Variants in PNPT1 observed in about 807,000 individuals in gnomAD.
The protein encoded by PNPT1 is polyribonucleotide nucleotidyltransferase 1.
A neutral mutation model predicts 119.5 loss-of-function variants in PNPT1; 53 were observed. The ratio of observed to expected loss-of-function variants is 0.44; its 90% CI spans 0.36 to 0.56. PNPT1 has a LOEUF of 0.56. PNPT1 is among the 20% of genes least tolerant of loss of function. The probability of loss-of-function intolerance (pLI) is 0.00; values close to 1 mark genes in which losing one functional copy is unlikely to be tolerated. For synonymous variants in PNPT1, 357 were observed against 322.1 expected (o/e 1.11, Z -1.16); for missense variants, 948 against 938.5 (o/e 1.01, Z -0.13).
chr2:55,647,054 C>A (rs1455666819), intron 19 of PNPT1, among the ~76,000 whole-genome samples: 1 of 152,062 alleles, frequency 6.6e-6, no homozygotes, highest in Non-Finnish European at 1.5e-5. Context: ...CCAGACTGGT[C>A]TGGAACTCCT....
chr2:55,659,398 T>C lies in PNPT1; in HGVS notation c.1284+759A>G, dbSNP rs190899556. Among the ~76,000 whole-genome samples, 161 of 152,328 alleles carry C rather than the reference T, an allele frequency of 1.1e-3. 1 individual carries two copies. Among genetic ancestry groups the C allele is most frequent in the Non-Finnish European group, 2.0e-3 (134 of 68,030 alleles). The stretch of plus-strand genomic sequence containing the variant: ...AAGTAACTTAATACTAAACGTCTCA[T>C]CTTTTACTACTAATCAACTGAGTAT... On this transcript the variant is annotated intron_variant, in intron 15 of 27. Transcript: ENST00000447944.
At chr2:55,665,228 G>C (rs1239144130) in intron 13 of PNPT1, among the ~76,000 whole-genome samples, 2 of 152,124 alleles carry the variant, frequency 1.3e-5, no homozygotes, top group African/African-American at 4.8e-5. Flanking sequence ...TGTATAATTG[G>C]CTCACTATGG....
At chr2:55,684,324 G>A (rs7575906) in intron 4 of PNPT1, among the ~76,000 whole-genome samples, 22,266 of 152,062 alleles carry the variant, frequency 0.15, 3,055 homozygotes, top group African/African-American at 0.36. Flanking sequence ...ACCCCATCTT[G>A]ACTAAAAATA....
intron 18 of PNPT1, among the ~76,000 whole-genome samples, chr2:55,649,264 C>T (rs1696096852): frequency 6.6e-6 from 1 of 152,042 alleles, no homozygotes. Flanking sequence ...TATATTGAGA[C>T]CTCATCTCTA....
chr2:55,670,253 C>A (rs907439757), intron 11 of PNPT1, among the ~76,000 whole-genome samples: 2 of 151,998 alleles, frequency 1.3e-5, no homozygotes, highest in African/African-American at 4.8e-5. Context: ...GTGGCGCGAT[C>A]TCGACTCGCT....
chr2:55,667,225 G>C, intron 12 of PNPT1, 132 bp from the exon 13 acceptor site: 1 of 644,386 alleles, frequency 1.6e-6, no homozygotes, highest in Non-Finnish European at 2.7e-6. Flanking sequence ...AAAAATAATA[G>C]ATACTTGAGC....
intron 3 of PNPT1, among the ~76,000 whole-genome samples, chr2:55,685,583 A>G (rs934411022): frequency 1.3e-5 from 2 of 152,090 alleles, no homozygotes; most frequent in African/African-American, 2.4e-5. Flanking sequence ...AAGACTCACT[A>G]TTTGCCACAG....
In PNPT1 at chr2:55,673,911, C is replaced by T. The variant is rs532439249; in HGVS notation, c.680-832G>A. On this transcript the variant is annotated intron_variant, in intron 8 of 27. Transcript: ENST00000447944. ...CTAATTTTTGTAGTTTTAGTAGGGACGGGGTTTTGCCATGTTGCCCAGGCT... is the reference window on the plus strand; with the variant it reads ...CTAATTTTTGTAGTTTTAGTAGGGATGGGGTTTTGCCATGTTGCCCAGGCT... Among the ~76,000 whole-genome samples the T allele has an allele frequency of 2.6e-4, 39 of 151,564 alleles. 1 individual carries two copies. Among genetic ancestry groups the T allele is most frequent in the South Asian group, 8.4e-4 (4 of 4,784 alleles).
chr2:55,643,374 GT>G lies in PNPT1; in HGVS notation c.1957del (p.Thr653HisfsTer24). 1 of 1,614,194 alleles carries G rather than the reference GT, an allele frequency of 6.2e-7. No homozygotes were observed. The highest frequency in any genetic ancestry group is 8.5e-7 in the Non-Finnish European group (1 of 1,180,020). On this transcript the variant is annotated frameshift_variant, in exon 24 of 28. Coordinates refer to ENST00000447944, the MANE Select transcript of PNPT1 (RefSeq NM_033109.5). LOFTEE classifies it high-confidence loss of function. Reference protein sequence around the residue: ...DEETFSVFAPTPSAMHEARDF... With the variant: ...DEETFSVFAPXPSAMHEARDF... ...TCTTGCCTCATGCATAGCACTGGGT[GT>G]TGGTGCAAATACAGAAAACGTTTCT...
chr2:55,672,827 T>C (rs1696955374), intron 9 of PNPT1, 66 bp downstream of exon 9: 2 of 1,441,390 alleles, frequency 1.4e-6, no homozygotes, highest in Non-Finnish European at 9.4e-7. Flanking sequence ...CATGGGAAGT[T>C]TCTCTCCCAC....
In PNPT1 at chr2:55,663,967, C is replaced by T. The variant is rs957458968; in HGVS notation, c.1177-1941G>A. Among the ~76,000 whole-genome samples the T allele has an allele frequency of 2.0e-4, 31 of 151,918 alleles. 1 individual carries two copies. Among genetic ancestry groups the T allele is most frequent in the African/African-American group, 5.6e-4 (23 of 41,384 alleles). On this transcript the variant is annotated intron_variant, in intron 13 of 27. Coordinates refer to ENST00000447944, the MANE Select transcript of PNPT1 (RefSeq NM_033109.5). ...TCACACCACTGCACTCCAGCCTGGG[C>T]GACAGAAGGAGACTCCATCCCAAAA...
intron 3 of PNPT1, among the ~76,000 whole-genome samples, chr2:55,685,492 A>G (rs1697377847): frequency 6.6e-6 from 1 of 152,100 alleles, no homozygotes; most frequent in African/African-American, 2.4e-5. Flanking sequence ...CACACCACTG[A>G]ACAACTCTAG....
chr2:55,687,629 A>T lies in PNPT1; in HGVS notation c.222+16T>A. ...AACCATTTTTAAGATGAATTTTAAAAATCTGGACTTTTTACCTGTACTACA... is the reference window on the plus strand; with the variant it reads ...AACCATTTTTAAGATGAATTTTAAATATCTGGACTTTTTACCTGTACTACA... On this transcript the variant is annotated intron_variant, in intron 2 of 27. Coordinates refer to ENST00000447944, the MANE Select transcript of PNPT1 (RefSeq NM_033109.5). 1 of 1,556,482 alleles carries T rather than the reference A, an allele frequency of 6.4e-7. No homozygotes were observed. Among genetic ancestry groups the T allele is most frequent in the South Asian group, 1.2e-5 (1 of 82,872 alleles).
intron 14 of PNPT1, among the ~76,000 whole-genome samples, chr2:55,660,914 AC>A (rs1696547392): frequency 6.6e-6 from 1 of 152,096 alleles, no homozygotes; most frequent in African/African-American, 2.4e-5. Context: ...TACAGTGGCT[AC>A]TAGGAATTAT....
At chr2:55,652,306 C>G (rs184488415) in intron 18 of PNPT1, among the ~76,000 whole-genome samples, 2 of 152,300 alleles carry the variant, frequency 1.3e-5, no homozygotes, top group African/African-American at 2.4e-5. Flanking sequence ...TTGAATTGAA[C>G]TGCATACCTT....
At position 55,667,962 on chromosome 2, in the gene PNPT1, T is replaced by C. The variant is rs778656630; in HGVS notation, c.977-4A>G. 17 of 1,575,832 alleles carry C rather than the reference T, an allele frequency of 1.1e-5. No homozygotes were observed. Among genetic ancestry groups the C allele is most frequent in the Middle Eastern group, 1.7e-4 (1 of 5,980 alleles). Reference sequence around the variant, plus strand: ...GGATCGGCTTCTGGAAATTTTTCTATAGAAAAAAGACAAACCAAAACAAAG... The same window carrying C: ...GGATCGGCTTCTGGAAATTTTTCTACAGAAAAAAGACAAACCAAAACAAAG... On this transcript the variant is annotated splice_region_variant and splice_polypyrimidine_tract_variant and intron_variant, in intron 11 of 27. Coordinates refer to ENST00000447944, the MANE Select transcript of PNPT1 (RefSeq NM_033109.5).
chr2:55,673,868 G>A (rs555880685), intron 8 of PNPT1, among the ~76,000 whole-genome samples: 4 of 152,178 alleles, frequency 2.6e-5, no homozygotes, highest in Non-Finnish European at 4.4e-5. Context: ...GATTACAGGC[G>A]TGAGCCACTA....
intron 18 of PNPT1, among the ~76,000 whole-genome samples, chr2:55,648,316 T>C (rs538994896): frequency 2.4e-4 from 36 of 152,364 alleles, no homozygotes; most frequent in African/African-American, 8.7e-4. Flanking sequence ...CTTTATTCCT[T>C]TGAATAGTTT....
At chr2:55,639,433 A>G (rs1213296462) in intron 26 of PNPT1, among the ~76,000 whole-genome samples, 1 of 152,198 alleles carries the variant, frequency 6.6e-6, no homozygotes, top group Admixed American at 6.5e-5. Flanking sequence ...CACCCCCATC[A>G]ACAGTGTATG....
Sources: allele counts gnomAD v4.1 joint callset (sites outside exome capture counted in the v4.1 genomes callset), GRCh38; gene constraint gnomAD v4.1.1; transcripts MANE v1.5; gene names NCBI Gene and HGNC (gene_info 2026-07-23, HGNC 2026-07-21).